CD1B: variants seen among roughly 807,000 people sequenced by gnomAD.
The protein encoded by CD1B is T-cell surface glycoprotein CD1b.
CD1B carries 43 observed loss-of-function variants against 39.8 expected under a neutral mutation model. The ratio of observed to expected loss-of-function variants is 1.08; its 90% CI spans 0.85 to 1.39. The LOEUF is 1.39. CD1B is among the 40% of genes most tolerant of loss of function. The pLI is 0.00. For synonymous variants in CD1B, 192 were observed against 152.5 expected, an observed-to-expected ratio of 1.26 and a Z score of -1.91; for missense variants, 495 against 403.8, an observed-to-expected ratio of 1.23 and a Z score of -1.94.
chr1:158,327,131 C>T (rs1652385087), downstream of CD1B, among the ~76,000 whole-genome samples: 1 of 152,158 alleles, frequency 6.6e-6, no homozygotes, highest in Non-Finnish European at 1.5e-5. Flanking sequence ...CCAGCGCTGG[C>T]TGGTCCATTT....
chr1:158,301,411 T>G, the CD1B span, among the ~76,000 whole-genome samples: 4 of 152,250 alleles, frequency 2.6e-5, no homozygotes, highest in Non-Finnish European at 4.4e-5. Flanking sequence ...GGCATGTTTT[T>G]GGAGTGTCTG....
the CD1B span, among the ~76,000 whole-genome samples, chr1:158,318,682 A>G: frequency 6.6e-6 from 1 of 152,068 alleles, no homozygotes; most frequent in African/African-American, 2.4e-5. Context: ...TAATATTGTT[A>G]TGTGTGAATT....
the CD1B span, among the ~76,000 whole-genome samples, chr1:158,318,172 A>G: frequency 3.9e-5 from 6 of 152,156 alleles, no homozygotes; most frequent in Admixed American, 2.0e-4. Context: ...GTAGATGTCT[A>G]TTAGGTCCGC....
At chr1:158,290,772 T>G in the CD1B span, among the ~76,000 whole-genome samples, 1 of 152,154 alleles carries the variant, frequency 6.6e-6, no homozygotes, top group Non-Finnish European at 1.5e-5. Flanking sequence ...GCAAATGACA[T>G]GCTGTTTCTG....
chr1:158,303,120 G>C, the CD1B span, among the ~76,000 whole-genome samples: 3 of 152,098 alleles, frequency 2.0e-5, no homozygotes, highest in African/African-American at 7.2e-5. Flanking sequence ...ACTCAAGGTT[G>C]GTTCAACATA....
the CD1B span, among the ~76,000 whole-genome samples, chr1:158,308,567 C>T: frequency 6.6e-6 from 1 of 152,172 alleles, no homozygotes; most frequent in Non-Finnish European, 1.5e-5. Flanking sequence ...ATCACACTAC[C>T]TGACTTCAAA....
chr1:158,298,110 A>T, the CD1B span, among the ~76,000 whole-genome samples: 1 of 152,168 alleles, frequency 6.6e-6, no homozygotes, highest in Non-Finnish European at 1.5e-5. Flanking sequence ...TTTCAGACAA[A>T]ATAAACTTTA....
At chr1:158,286,775 T>TG in the CD1B span, among the ~76,000 whole-genome samples, 47 of 152,318 alleles carry the variant, frequency 3.1e-4, no homozygotes, top group African/African-American at 1.1e-3. Context: ...ATTGCCATGA[T>TG]GGGGGTGAGG....
At chr1:158,314,427 T>C in the CD1B span, among the ~76,000 whole-genome samples, 1 of 152,152 alleles carries the variant, frequency 6.6e-6, no homozygotes, top group Non-Finnish European at 1.5e-5. Context: ...GTTATTCTTT[T>C]GTGTTGTTTT....
chr1:158,296,786 A>G, the CD1B span, among the ~76,000 whole-genome samples: 4 of 152,244 alleles, frequency 2.6e-5, no homozygotes, highest in Non-Finnish European at 5.9e-5. Flanking sequence ...AAAATTCACT[A>G]AAGAATTTTA....
chr1:158,309,951 T>C, the CD1B span, among the ~76,000 whole-genome samples: 5 of 150,882 alleles, frequency 3.3e-5, no homozygotes, highest in Non-Finnish European at 7.4e-5. Flanking sequence ...CTGCACATTG[T>C]GCACATATAC....
downstream of CD1B, among the ~76,000 whole-genome samples, chr1:158,326,022 T>C (rs1652339401): frequency 6.6e-6 from 1 of 152,190 alleles, no homozygotes; most frequent in African/African-American, 2.4e-5. Flanking sequence ...CAAGCTGGAG[T>C]GCAGTGGCGC....
In CD1B at chr1:158,330,067, A is replaced by G. The variant is rs778657619; in HGVS notation, c.392T>C (p.Phe131Ser). 2.2e-5 allele frequency: 36 copies of G among 1,613,954 alleles called. No homozygotes were observed. Among genetic ancestry groups the G allele is most frequent in the Non-Finnish European group, 3.1e-5 (36 of 1,179,854 alleles). The stretch of plus-strand genomic sequence containing the variant: ...CAATCCTCCTAGAGCTCCCCTCAGG[A>G]AGCTTACTATGGCACCTCCAGAATG... ...ELHSGGAIVS[F>S]LRGALGGLDF... Residue 131 changes from phenylalanine to serine, a missense_variant, in exon 3 of 6, where the codon TTC becomes TCC. Physicochemically the swap from Phe to Ser is radical, Grantham distance 155. Coordinates refer to ENST00000368168, the MANE Select transcript of CD1B (RefSeq NM_001764.3).
At chr1:158,328,441 A>G (rs1055515511) in intron 5 of CD1B, among the ~76,000 whole-genome samples, 184 bp from the exon 6 acceptor site, 4 of 152,236 alleles carry the variant, frequency 2.6e-5, no homozygotes, top group Non-Finnish European at 5.9e-5. Context: ...AAAAGGAAGG[A>G]AGCCCTTTCA....
At chr1:158,297,465 AC>A in the CD1B span, among the ~76,000 whole-genome samples, 3 of 152,184 alleles carry the variant, frequency 2.0e-5, no homozygotes, top group African/African-American at 4.8e-5. Flanking sequence ...GAAATAAAAG[AC>A]TCTTACCAGC....
At chr1:158,311,342 A>G in the CD1B span, among the ~76,000 whole-genome samples, 4 of 152,034 alleles carry the variant, frequency 2.6e-5, no homozygotes, top group Admixed American at 6.6e-5. Flanking sequence ...GAGTTGTCTA[A>G]TCAGGTCTTT....
chr1:158,329,451 C>T lies in CD1B; in HGVS notation c.805G>A (p.Val269Met). ...AGGCCAGCCGCCTCCCCATCTGCCACATCCAGGGTTGCTCGGAGATACCAT... is the reference window on the plus strand; with the variant it reads ...AGGCCAGCCGCCTCCCCATCTGCCATATCCAGGGTTGCTCGGAGATACCAT... ...WTWYLRATLD[V>M]ADGEAAGLSC... is the part of the protein sequence containing the mutation. Residue 269 changes from valine to methionine, a missense_variant, in exon 4 of 6, where the codon GTG becomes ATG. By Grantham distance (21) the Val-to-Met change is conservative (BLOSUM62 1). Coordinates refer to ENST00000368168, the MANE Select transcript of CD1B (RefSeq NM_001764.3). 2 of 1,614,206 alleles carry T rather than the reference C, an allele frequency of 1.2e-6. No homozygotes were observed. The highest frequency in any genetic ancestry group is 1.7e-6 in the Non-Finnish European group (2 of 1,180,036).
chr1:158,311,971 C>T, the CD1B span, among the ~76,000 whole-genome samples: 21 of 152,062 alleles, frequency 1.4e-4, no homozygotes, highest in Middle Eastern at 3.4e-3. Flanking sequence ...ATTACTTTGG[C>T]TTTTGGGGTC....
intron 3 of CD1B, 79 bp from the exon 4 acceptor site, chr1:158,329,727 G>A: frequency 6.4e-7 from 1 of 1,570,838 alleles, no homozygotes. Flanking sequence ...CTACAAGCTT[G>A]GACAGCGACC....
Sources: allele counts gnomAD v4.1 joint callset (sites outside exome capture counted in the v4.1 genomes callset), GRCh38; gene constraint gnomAD v4.1.1; transcripts MANE v1.5; gene names NCBI Gene and HGNC (gene_info 2026-07-23, HGNC 2026-07-21).